The following DSE variants were observed in gnomAD, a reference collection of about 807,000 sequenced individuals.
DSE encodes the protein dermatan-sulfate epimerase.
DSE carries 36 observed loss-of-function variants against 84.4 expected under a neutral mutation model. The ratio of observed to expected loss-of-function variants is 0.43; its 90% confidence interval spans 0.33 to 0.56. The LOEUF (loss-of-function observed/expected upper bound fraction) is 0.56, where lower values mean the gene tolerates loss of function less well. DSE is among the 20% of genes least tolerant of loss of function. DSE has a pLI of 0.06. For synonymous variants in DSE, 410 were observed against 430.1 expected, an observed-to-expected ratio of 0.95 and a Z score of 0.58; for missense variants, 862 against 1,169.6, an observed-to-expected ratio of 0.74 and a Z score of 3.84.
At chr6:116,346,146 A>C (rs1252015213) in intron 2 of DSE, among the ~76,000 whole-genome samples, 1 of 152,192 alleles carries the variant, frequency 6.6e-6, no homozygotes, top group Non-Finnish European at 1.5e-5. Context: ...CAACCAAAAA[A>C]AGTCCAGGAC....
intron 2 of DSE, among the ~76,000 whole-genome samples, chr6:116,267,181 T>A (rs943556517): frequency 2.7e-4 from 41 of 152,274 alleles, no homozygotes; most frequent in Non-Finnish European, 4.4e-5. Flanking sequence ...TATATGTGAT[T>A]GTAGAGGATA....
At position 116,436,081 on chromosome 6, in the gene DSE, G is replaced by A. The variant is rs776857406; in HGVS notation, c.1613G>A (p.Arg538Gln). The change falls in exon 6 of 6, where the codon CGA (arginine) becomes CAA (glutamine). Residue 538 changes from arginine to glutamine, a missense_variant. Coordinates refer to ENST00000644252, the MANE Select transcript of DSE (RefSeq NM_013352.4). ...GAGAAAAATGGGGTGGTTTTCATCCGAGGAGAAGGTGTGGGAGCTTATAAC... is the reference window on the plus strand; with the variant it reads ...GAGAAAAATGGGGTGGTTTTCATCCAAGGAGAAGGTGTGGGAGCTTATAAC... ...AEEKNGVVFI[R>Q]GEGVGAYNPQ... 1.1e-5 allele frequency: 18 copies of A among 1,613,444 alleles called. No homozygotes were observed. In the South Asian group the frequency reaches 1.3e-4, roughly 12 times the overall value.
intron 2 of DSE, among the ~76,000 whole-genome samples, chr6:116,306,707 T>C (rs1775367802): frequency 6.6e-6 from 1 of 152,166 alleles, no homozygotes; most frequent in African/African-American, 2.4e-5. Flanking sequence ...AAAATTTATA[T>C]GTTGAAGCCA....
intron 2 of DSE, among the ~76,000 whole-genome samples, chr6:116,412,071 T>G (rs1348604941): frequency 1.3e-5 from 2 of 152,194 alleles, no homozygotes; most frequent in African/African-American, 4.8e-5. Flanking sequence ...AAGTTCTAAA[T>G]TAACTTTTAT....
At chr6:116,289,749 T>C (rs1683794990) in intron 2 of DSE, among the ~76,000 whole-genome samples, 1 of 152,116 alleles carries the variant, frequency 6.6e-6, no homozygotes, top group African/African-American at 2.4e-5. Flanking sequence ...GTTCATATTA[T>C]GGTATCCAGC....
chr6:116,261,980 G>A lies in DSE; in HGVS notation c.-54+3013G>A, dbSNP rs138283808. 1.1e-3 allele frequency among the ~76,000 whole-genome samples: 168 copies of A among 152,188 alleles called. 1 individual carries two copies. Among genetic ancestry groups the A allele is most frequent in the African/African-American group, 3.5e-3 (147 of 41,542 alleles). ...ATGGTGGATAAGCTTTTTGATGTGC[G>A]GCTGGATTTGGTTTGCTAGTAGTTT... is the stretch of plus-strand genomic sequence containing the variant. On this transcript the variant is annotated intron_variant, in intron 2 of 3. Transcript: ENST00000430252.
intron 2 of DSE, among the ~76,000 whole-genome samples, chr6:116,323,189 G>A (rs1776428763): frequency 6.6e-6 from 1 of 152,172 alleles, no homozygotes; most frequent in African/African-American, 2.4e-5. Context: ...TTACACATCA[G>A]TTGTAAGCCA....
chr6:116,401,945 A>C (rs577107944), intron 2 of DSE, among the ~76,000 whole-genome samples: 2 of 152,104 alleles, frequency 1.3e-5, no homozygotes, highest in Non-Finnish European at 2.9e-5. Flanking sequence ...AACTTTCTAC[A>C]ATAGCTTCAT....
At chr6:116,305,377 A>C (rs1775284251) in intron 2 of DSE, among the ~76,000 whole-genome samples, 1 of 152,212 alleles carries the variant, frequency 6.6e-6, no homozygotes, top group Admixed American at 6.5e-5. Flanking sequence ...AAAAGTTCTC[A>C]CTATTAAAGA....
At chr6:116,340,284 T>TCC (rs1777510537) in intron 2 of DSE, among the ~76,000 whole-genome samples, 1 of 152,182 alleles carries the variant, frequency 6.6e-6, no homozygotes, top group Non-Finnish European at 1.5e-5. Flanking sequence ...ATACTTGATG[T>TCC]CCCACAGGTC....
chr6:116,365,183 A>C (rs184696534), intron 2 of DSE, among the ~76,000 whole-genome samples: 97 of 151,968 alleles, frequency 6.4e-4, no homozygotes, highest in African/African-American at 2.1e-3. Context: ...CTTTTGGTAC[A>C]TTGGAATCAC....
chr6:116,411,863 A>G (rs767132865), intron 2 of DSE, among the ~76,000 whole-genome samples: 37 of 152,266 alleles, frequency 2.4e-4, no homozygotes, highest in Non-Finnish European at 3.8e-4. Flanking sequence ...CAATATGATT[A>G]CATTCAGCAT....
intron 2 of DSE, chr6:116,259,389 C>A (rs1290894730): frequency 1.2e-5 from 3 of 252,598 alleles, no homozygotes; most frequent in Non-Finnish European, 2.3e-5. Context: ...AGCAGCAATG[C>A]TCTTCTGAGA....
intron 2 of DSE, among the ~76,000 whole-genome samples, chr6:116,309,278 A>G (rs1483160094): frequency 1.3e-5 from 2 of 151,868 alleles, no homozygotes; most frequent in Admixed American, 6.6e-5. Flanking sequence ...CTAGAAAATA[A>G]TTTTTTAAAA....
chr6:116,436,623 A>G lies in DSE; in HGVS notation c.2155A>G (p.Ile719Val). The G allele has an allele frequency of 2.5e-6, 4 of 1,614,160 alleles. No individual in the cohort carries two copies. Among genetic ancestry groups the G allele is most frequent in the Non-Finnish European group, 3.4e-6 (4 of 1,180,022 alleles). Reference protein sequence around the residue: ...FAQVIADRHKILFDRNSAIKS... With the variant: ...FAQVIADRHKVLFDRNSAIKS... ...ACAGGTCATTGCTGATCGTCACAAAATTCTGTTTGACCGGAATTCAGCCAT... is the reference window on the plus strand; with the variant it reads ...ACAGGTCATTGCTGATCGTCACAAAGTTCTGTTTGACCGGAATTCAGCCAT... Residue 719 changes from isoleucine (I) to valine (V), a missense_variant, in exon 6 of 6, where the codon ATT (isoleucine) becomes GTT (valine). Around this residue, in one of 4 missense-constraint regions of DSE, gnomAD observed 315 missense variants for 348.1 expected, o/e 0.90. Coordinates refer to ENST00000644252, the MANE Select transcript of DSE (RefSeq NM_013352.4).
At position 116,436,095 on chromosome 6, in the gene DSE, G is replaced by A. The variant is rs1395280206; in HGVS notation, c.1627G>A (p.Gly543Arg). Reference protein sequence around the residue: ...GVVFIRGEGVGAYNPQLNLKN... With the variant: ...GVVFIRGEGVRAYNPQLNLKN... ...GGTTTTCATCCGAGGAGAAGGTGTG[G>A]GAGCTTATAACCCCCAGCTCAACCT... is the stretch of plus-strand genomic sequence containing the variant. Residue 543 changes from glycine (G) to arginine (R), a missense_variant, in exon 6 of 6, where the codon GGA becomes AGA. This residue lies in a region of DSE where 186 missense variants were observed against 255.1 expected (regional missense o/e 0.73). Coordinates refer to ENST00000644252, the MANE Select transcript of DSE (RefSeq NM_013352.4). The A allele has an allele frequency of 6.2e-7, 1 of 1,613,134 alleles. No individual in the cohort carries two copies. Among genetic ancestry groups the A allele is most frequent in the East Asian group, 2.2e-5 (1 of 44,872 alleles).
At chr6:116,421,150 A>G (rs1004765038) in intron 2 of DSE, among the ~76,000 whole-genome samples, 5 of 152,076 alleles carry the variant, frequency 3.3e-5, no homozygotes, top group African/African-American at 4.8e-5. Flanking sequence ...CAGAAAATCA[A>G]TAGCTCTTTC....
At chr6:116,292,393 T>C (rs745550625) in intron 2 of DSE, among the ~76,000 whole-genome samples, 1 of 152,160 alleles carries the variant, frequency 6.6e-6, no homozygotes, top group African/African-American at 2.4e-5. Flanking sequence ...GTTTCCGAAT[T>C]GGGCGGCAGC....
At chr6:116,427,596 C>T (rs893980603) in intron 3 of DSE, among the ~76,000 whole-genome samples, 1 of 152,238 alleles carries the variant, frequency 6.6e-6, no homozygotes, top group Non-Finnish European at 1.5e-5. Flanking sequence ...TCCCTTGTCA[C>T]ATCAACCAAC....
Sources: gnomAD v4.1 joint callset for allele counts (sites outside exome capture counted in the v4.1 genomes callset) on GRCh38, gnomAD v4.1.1 for gene constraint, gnomAD v4.1.1 regional missense constraint, MANE v1.5 for transcripts, NCBI Gene and HGNC (gene_info 2026-07-23, HGNC 2026-07-21) for gene names.